The following ZNF486 variants were observed in gnomAD, a reference collection of about 807,000 sequenced individuals.
ZNF486 encodes the protein zinc finger protein 486.
A neutral mutation model predicts 12.8 loss-of-function variants in ZNF486; 12 were observed. The observed-to-expected ratio is 0.94, with a 90% confidence interval of 0.60 to 1.52. The LOEUF is 1.52. Ranked by LOEUF, ZNF486 falls within the 40% of genes most tolerant of loss-of-function variation. The pLI, the probability that ZNF486 is intolerant of heterozygous loss-of-function variation, is 0.00. For missense variants in ZNF486, 738 were observed against 545.0 expected (o/e 1.35, Z -3.53); for synonymous variants, 231 against 184.9 (o/e 1.25, Z -2.02).
intron 1 of ZNF486, among the ~76,000 whole-genome samples, chr19:20,169,317 C>A (rs1233388698): frequency 6.6e-6 from 1 of 152,204 alleles, no homozygotes; most frequent in African/African-American, 2.4e-5. Flanking sequence ...CCATGTTGGT[C>A]AGGCTGGTCT....
At chr19:20,193,400 G>T (rs1034152478) in intron 3 of ZNF486, among the ~76,000 whole-genome samples, 3 of 151,378 alleles carry the variant, frequency 2.0e-5, no homozygotes, top group African/African-American at 7.3e-5. Context: ...GGTGGCTCAT[G>T]CCTGTGTTCT....
chr19:20,193,479 G>A (rs138764969), intron 3 of ZNF486, among the ~76,000 whole-genome samples: 11,996 of 151,682 alleles, frequency 0.079, 734 homozygotes, highest in African/African-American at 0.18. Context: ...GGCCAACATG[G>A]TGAAACGCTG....
intron 3 of ZNF486, among the ~76,000 whole-genome samples, chr19:20,192,343 T>C (rs1555717311): frequency 6.6e-6 from 1 of 152,152 alleles, no homozygotes; most frequent in Non-Finnish European, 1.5e-5. Context: ...AGAGTTTCAC[T>C]TTTGTTGCCC....
chr19:20,172,014 T>G (rs1470662871), intron 1 of ZNF486, among the ~76,000 whole-genome samples: 1 of 152,182 alleles, frequency 6.6e-6, no homozygotes, highest in Non-Finnish European at 1.5e-5. Flanking sequence ...CATTTTGTTT[T>G]GTCTTTTGAG....
rs1555718258 is a variant in ZNF486 at position 20,197,627 on chromosome 19, C to A, written c.917C>A (p.Pro306His). ...GAATGTGACAAAGCTTTTAACCATC[C>A]TGCAACTCTTTCTTCACATAAGAAA... ...CKECDKAFNH[P>H]ATLSSHKKIH... is the part of the protein sequence containing the mutation. Residue 306 changes from proline (P) to histidine (H), a missense_variant, in exon 4 of 4, where the codon CCT (proline) becomes CAT (histidine). Pro to His is a moderately conservative substitution (Grantham distance 77, BLOSUM62 -2). Transcript: ENST00000335117. 6.2e-6 allele frequency: 10 copies of A among 1,613,784 alleles called. No homozygotes were observed. The highest frequency in any genetic ancestry group is 8.5e-6 in the Non-Finnish European group (10 of 1,179,846).
chr19:20,184,294 T>A lies in ZNF486; in HGVS notation c.31-62T>A, dbSNP rs558421288. 1.2e-4 allele frequency: 197 copies of A among 1,603,448 alleles called. No individual in the cohort carries two copies. In the African/African-American group the frequency reaches 2.2e-3, roughly 18 times the overall value. ...AGTTCTCTTACTCTCTCATTTCACC[T>A]TAAATTAAAAATTCCACCAACGGCG... On this transcript the variant is annotated intron_variant, in intron 1 of 3. Coordinates refer to ENST00000335117, the MANE Select transcript of ZNF486 (RefSeq NM_052852.4).
chr19:20,198,690 T>C lies in ZNF486; in HGVS notation c.*588T>C, dbSNP rs2089985508. ...GGTGCCACCACCATTCCCAGCTAATTTTTGTATTTTTAGTAGAGATGGGCT... is the reference window on the plus strand; with the variant it reads ...GGTGCCACCACCATTCCCAGCTAATCTTTGTATTTTTAGTAGAGATGGGCT... On this transcript the variant is annotated 3_prime_UTR_variant, in exon 4 of 4. Coordinates refer to ENST00000335117, the MANE Select transcript of ZNF486 (RefSeq NM_052852.4). 1 of 153,488 alleles carries C rather than the reference T, an allele frequency of 6.5e-6. No individual in the cohort carries two copies. The highest frequency in any genetic ancestry group is 1.4e-5 in the Non-Finnish European group (1 of 69,108). The allele number at this position is 153,488 out of a possible 1,614,324, so 9.5% of individuals were successfully genotyped here.
chr19:20,167,748 TA>T (rs1260415447), intron 1 of ZNF486, among the ~76,000 whole-genome samples: 3 of 152,052 alleles, frequency 2.0e-5, no homozygotes, highest in Admixed American at 1.3e-4. Flanking sequence ...TTTCTTTTGT[TA>T]AAAATTTATG....
At chr19:20,185,319 T>C (rs1432976834) in intron 2 of ZNF486, among the ~76,000 whole-genome samples, 2 of 151,990 alleles carry the variant, frequency 1.3e-5, no homozygotes, top group African/African-American at 4.8e-5. Context: ...TTTGAGACCA[T>C]ACATATACTT....
In ZNF486 at chr19:20,186,015, C is replaced by A. The variant is rs782508227; in HGVS notation, c.186C>A (p.Ile62=). The change falls in exon 3 of 4, where the codon ATC becomes ATA. Residue 62 remains isoleucine (I), a synonymous_variant. Coordinates refer to ENST00000335117, the MANE Select transcript of ZNF486 (RefSeq NM_052852.4). ...LGIIVSKPDL[I]TCLEQGIKPL... ...TTATTGTCTCTAAGCCAGACCTGAT[C>A]ACCTGTCTGGAGCAAGGAATAAAAC... The A allele has an allele frequency of 1.9e-6, 3 of 1,587,224 alleles. No individual in the cohort carries two copies. The highest frequency in any genetic ancestry group is 2.3e-5 in the South Asian group (2 of 86,066).
chr19:20,169,182 T>C (rs2122619091), intron 1 of ZNF486, among the ~76,000 whole-genome samples: 1 of 152,178 alleles, frequency 6.6e-6, no homozygotes, highest in East Asian at 1.9e-4. Flanking sequence ...TGGTATGATC[T>C]CGGCTCACCG....
At chr19:20,176,810 CTG>C (rs1456955733) in intron 1 of ZNF486, 4 of 152,930 alleles carry the variant, frequency 2.6e-5, no homozygotes, top group Admixed American at 6.5e-5. Flanking sequence ...CAGAGGGAGA[CTG>C]TGGGGAGAGG....
In ZNF486 at chr19:20,180,487, A is replaced by G. The variant is rs556190127; in HGVS notation, c.31-3869A>G. Among the ~76,000 whole-genome samples the G allele has an allele frequency of 7.9e-5, 12 of 152,338 alleles. No individual in the cohort carries two copies. In the East Asian group the frequency reaches 1.3e-3, roughly 17 times the overall value. On this transcript the variant is annotated intron_variant, in intron 1 of 3. Coordinates refer to ENST00000335117, the MANE Select transcript of ZNF486 (RefSeq NM_052852.4). Reference sequence around the variant, plus strand: ...TGGCACAATATATAGATGTGTCCAGAACCTTGGGTTTTATTTAGGCCACTT... The same window carrying G: ...TGGCACAATATATAGATGTGTCCAGGACCTTGGGTTTTATTTAGGCCACTT...
chr19:20,192,222 T>C (rs925777224), intron 3 of ZNF486, among the ~76,000 whole-genome samples: 5 of 152,214 alleles, frequency 3.3e-5, no homozygotes, highest in Non-Finnish European at 5.9e-5. Context: ...GACTCAATGC[T>C]ACAATGAGTC....
rs1291541792 is a variant in ZNF486, at chr19:20,197,805, T to C, written c.1095T>C (p.Leu365=). 1.9e-6 allele frequency: 3 copies of C among 1,613,410 alleles called. No homozygotes were observed. Among genetic ancestry groups the C allele is most frequent in the Admixed American group, 1.7e-5 (1 of 59,954 alleles). ...CGKAFTRSSH[L]TMHKIIHTGE... is the part of the protein sequence containing the mutation. The stretch of plus-strand genomic sequence containing the variant: ...AAGCCTTCACCCGCTCCTCACACCT[T>C]ACTATGCATAAGATAATTCATACTG... Residue 365 remains leucine (L), a synonymous_variant, in exon 4 of 4, where the codon CTT becomes CTC. Coordinates refer to ENST00000335117, the MANE Select transcript of ZNF486 (RefSeq NM_052852.4).
intron 1 of ZNF486, among the ~76,000 whole-genome samples, chr19:20,182,733 CTT>C (rs1219952725): frequency 2.0e-5 from 3 of 152,140 alleles, no homozygotes; most frequent in Admixed American, 2.0e-4. Context: ...CCCTGAATCT[CTT>C]CTGTTTCAAA....
Position 20,199,926 on chromosome 19 carries a change from T to G in ZNF486, c.*1824T>G, listed in dbSNP as rs2089997607. 6.6e-6 allele frequency: 1 copy of G among 151,950 alleles called. No homozygotes were observed. The highest frequency in any genetic ancestry group is 1.5e-5 in the Non-Finnish European group (1 of 68,022). 9.4% of individuals were successfully genotyped at this position (151,950 alleles called of 1,614,324 possible). ...CTGTCTGTACTAAAAATACAAAAAT[T>G]AGCCATGCATGGTGGCCGGCGCGTA... On this transcript the variant is annotated 3_prime_UTR_variant, in exon 4 of 4. Transcript: ENST00000335117.
At chr19:20,188,017 G>A (rs1393841624) in intron 3 of ZNF486, among the ~76,000 whole-genome samples, 17 of 152,022 alleles carry the variant, frequency 1.1e-4, no homozygotes, top group Admixed American at 7.2e-4. Context: ...ATCCTTCAGG[G>A]CTTTGCTCCG....
Position 20,198,211 on chromosome 19 carries a change from G to A in ZNF486, c.*109G>A. On this transcript the variant is annotated 3_prime_UTR_variant, in exon 4 of 4. Coordinates refer to ENST00000335117, the MANE Select transcript of ZNF486 (RefSeq NM_052852.4). Reference sequence around the variant, plus strand: ...GGCTCACCACAACCTCCACCTTCTGGGTTCAAGTAACTCTCCTTAGTAGCT... The same window carrying A: ...GGCTCACCACAACCTCCACCTTCTGAGTTCAAGTAACTCTCCTTAGTAGCT... The A allele has an allele frequency of 1.1e-6, 1 of 911,762 alleles. No individual in the cohort carries two copies. The highest frequency in any genetic ancestry group is 1.6e-6 in the Non-Finnish European group (1 of 608,262). The allele number at this position is 911,762 out of a possible 1,614,324, so 56.5% of individuals were successfully genotyped here.
Sources: gnomAD v4.1 joint callset for allele counts (sites outside exome capture counted in the v4.1 genomes callset) on GRCh38, gnomAD v4.1.1 for gene constraint, MANE v1.5 for transcripts, NCBI Gene and HGNC (gene_info 2026-07-23, HGNC 2026-07-21) for gene names.